LIPG: variants seen among roughly 807,000 people sequenced by gnomAD.
LIPG encodes endothelial lipase.
A neutral mutation model predicts 51.8 loss-of-function variants in LIPG; 34 were observed. The observed-to-expected ratio is 0.66, with a 90% confidence interval of 0.50 to 0.87. The LOEUF is 0.87. Among genes scored for constraint, LIPG ranks in the 40% least tolerant of loss-of-function variants. LIPG has a pLI of 0.00. For synonymous variants in LIPG, 246 were observed against 246.1 expected, an observed-to-expected ratio of 1.00 and a Z score of 0.00; for missense variants, 580 against 652.7, an observed-to-expected ratio of 0.89 and a Z score of 1.21.
In LIPG at chr18:49,563,277, C is replaced by G. The variant is rs114883453; in HGVS notation, c.97+872C>G. 1.4e-3 allele frequency among the ~76,000 whole-genome samples: 209 copies of G among 152,266 alleles called. 1 individual carries two copies. The highest frequency in any genetic ancestry group is 4.9e-3 in the African/African-American group (205 of 41,542). On this transcript the variant is annotated intron_variant, in intron 1 of 9. Coordinates refer to ENST00000261292, the MANE Select transcript of LIPG (RefSeq NM_006033.4). Reference sequence around the variant, plus strand: ...TACTGTGAATGAATGGAAAGCCTTGCTTTACTCAACATGTTTCCAACTCTG... The same window carrying G: ...TACTGTGAATGAATGGAAAGCCTTGGTTTACTCAACATGTTTCCAACTCTG...
At chr18:49,561,914 A>G (rs1227533372), upstream of LIPG, 2 of 1,332,528 alleles carry the variant, frequency 1.5e-6, no homozygotes, top group Admixed American at 7.0e-5. Context: ...GCTTTCATTC[A>G]AACTTTCTCC....
At chr18:49,572,471 C>A (rs2084674199) in intron 4 of LIPG, among the ~76,000 whole-genome samples, 1 of 152,158 alleles carries the variant, frequency 6.6e-6, no homozygotes, top group Non-Finnish European at 1.5e-5. Context: ...GGCCCAATAT[C>A]CTGGGCCCTA....
chr18:49,561,557 G>T (rs775709336), upstream of LIPG: 66 of 706,204 alleles, frequency 9.3e-5, no homozygotes, highest in Non-Finnish European at 1.2e-4. Context: ...TGCGGCCCTC[G>T]CTAGGCGGGA....
At chr18:49,568,923 C>A (rs1178860777) in intron 3 of LIPG, among the ~76,000 whole-genome samples, 2 of 152,034 alleles carry the variant, frequency 1.3e-5, no homozygotes, top group South Asian at 2.1e-4. Flanking sequence ...TACCTCCTTA[C>A]CCCCCAGATG....
chr18:49,572,730 TAAA>T (rs149836695), intron 4 of LIPG, among the ~76,000 whole-genome samples: 6,545 of 130,848 alleles, frequency 0.05, 513 homozygotes, highest in African/African-American at 0.17. Flanking sequence ...GACCCTGTCT[TAAA>T]AAAAAAAAAA....
chr18:49,570,181 T>A (rs1174531746), intron 4 of LIPG, among the ~76,000 whole-genome samples: 1 of 152,242 alleles, frequency 6.6e-6, no homozygotes, highest in East Asian at 1.9e-4. Flanking sequence ...TTCAACTTTG[T>A]AATAAAAGGA....
At chr18:49,579,817 T>TCTTTTCTTTA (rs1555778434) in intron 5 of LIPG, among the ~76,000 whole-genome samples, 193 of 135,134 alleles carry the variant, frequency 1.4e-3, no homozygotes, top group African/African-American at 4.9e-3. Flanking sequence ...TCTTTTCTTT[T>TCTTTTCTTTA]CTTTACTTTA....
At position 49,592,959 on chromosome 18, in the gene LIPG, G is replaced by A. The variant is rs2084960466; in HGVS notation, c.*2437G>A. The A allele has an allele frequency of 8.3e-6, 1 of 120,200 alleles. No homozygotes were observed. Among genetic ancestry groups the A allele is most frequent in the African/African-American group, 3.3e-5 (1 of 30,156 alleles). 7.4% of individuals were successfully genotyped at this position (120,200 alleles called of 1,614,324 possible). On this transcript the variant is annotated 3_prime_UTR_variant, in exon 10 of 10. Transcript: ENST00000261292. The stretch of plus-strand genomic sequence containing the variant: ...TTTTTTTTTTTTTTTTTGAGACAGA[G>A]CCTCTCTCTGTCACCCAGGCTGGAG...
In LIPG at chr18:49,565,550, GT is replaced by G. The variant is rs1462880095; in HGVS notation, c.279+56del. On this transcript the variant is annotated intron_variant, in intron 2 of 9. Transcript: ENST00000261292. ...CTTTATATAAGATTTGATTCCCTTT[GT>G]TTTGGTCAATTAGAAAGAATTCTGG... is the stretch of plus-strand genomic sequence containing the variant. The G allele has an allele frequency of 4.4e-6, 7 of 1,598,684 alleles. No individual in the cohort carries two copies. In the Admixed American group the frequency reaches 1.2e-4, roughly 27 times the overall value.
At chr18:49,565,641 T>C in intron 2 of LIPG, 143 bp downstream of exon 2, 1 of 954,730 alleles carries the variant, frequency 1.0e-6, no homozygotes, top group African/African-American at 1.6e-5. Context: ...CAGACAGCTG[T>C]GAAGAATGTA....
chr18:49,568,790 C>T (rs929674213), intron 3 of LIPG, among the ~76,000 whole-genome samples: 1 of 152,180 alleles, frequency 6.6e-6, no homozygotes, highest in African/African-American at 2.4e-5. Context: ...CAATTCCGGC[C>T]TGGCCTTCCT....
chr18:49,593,062 C>A lies in LIPG; in HGVS notation c.*2540C>A, dbSNP rs1222164183. On this transcript the variant is annotated 3_prime_UTR_variant, in exon 10 of 10. Transcript: ENST00000261292. ...CCTCCCACCTCAGCCTTCTGAGTAG[C>A]TGGGATTACAGAGATGCGTCACCAT... 1 of 151,464 alleles carries A rather than the reference C, an allele frequency of 6.6e-6. No homozygotes were observed. The highest frequency in any genetic ancestry group is 2.4e-5 in the African/African-American group (1 of 41,212). The allele number at this position is 151,464 out of a possible 1,614,324, so 9.4% of individuals were successfully genotyped here.
rs1344388766 is a variant in LIPG at position 49,597,218 on chromosome 18, G to A, written c.*6696G>A. 6.6e-6 allele frequency: 1 copy of A among 152,156 alleles called. No homozygotes were observed. The highest frequency in any genetic ancestry group is 2.4e-5 in the African/African-American group (1 of 41,428). 9.4% of individuals were successfully genotyped at this position (152,156 alleles called of 1,614,324 possible). On this transcript the variant is annotated 3_prime_UTR_variant, in exon 10 of 10. Coordinates refer to ENST00000261292, the MANE Select transcript of LIPG (RefSeq NM_006033.4). ...TTACACATAGGCTAGATCTGCTTGG[G>A]AATCTTTCTTCTAATCGAGGCCCCT...
In LIPG at chr18:49,586,732, C is replaced by A. The variant is rs756697943; in HGVS notation, c.1377-14C>A. 4 of 1,598,314 alleles carry A rather than the reference C, an allele frequency of 2.5e-6. No homozygotes were observed. Among genetic ancestry groups the A allele is most frequent in the Non-Finnish European group, 3.4e-6 (4 of 1,165,646 alleles). ...AAAGTTCTGCCTACATCAGTGGTTT[C>A]TTTTCCCTCCTAGACTGACATTTTG... On this transcript the variant is annotated splice_polypyrimidine_tract_variant and intron_variant, in intron 8 of 9. Transcript: ENST00000261292.
At chr18:49,561,617 G>A, upstream of LIPG, 1 of 1,174,166 alleles carries the variant, frequency 8.5e-7, no homozygotes, top group Non-Finnish European at 1.1e-6. Context: ...GCTCTCCCCC[G>A]ACGGACTCCC....
At chr18:49,565,645 G>C in intron 2 of LIPG, 147 bp downstream of exon 2, 1 of 913,408 alleles carries the variant, frequency 1.1e-6, no homozygotes, top group East Asian at 2.6e-5. Context: ...CAGCTGTGAA[G>C]AATGTAACGG....
intron 9 of LIPG, among the ~76,000 whole-genome samples, chr18:49,588,677 A>T (rs2084910136): frequency 6.6e-6 from 1 of 152,070 alleles, no homozygotes; most frequent in African/African-American, 2.4e-5. Flanking sequence ...GTCATGCTTC[A>T]CTATCCCCTT....
In LIPG at chr18:49,582,425, C is replaced by G; in HGVS notation, c.1100C>G (p.Thr367Ser). Residue 367 changes from threonine to serine, a missense_variant, in exon 7 of 10, where the codon ACC becomes AGC. Coordinates refer to ENST00000261292, the MANE Select transcript of LIPG (RefSeq NM_006033.4). ...SYKNMGEIEP[T>S]FYVTLYGTNA... ...AAGAACATGGGAGAAATTGAGCCCA[C>G]CTTTTACGTCACCCTTTATGGCACT... 6.2e-7 allele frequency: 1 copy of G among 1,614,180 alleles called. No individual in the cohort carries two copies. Among genetic ancestry groups the G allele is most frequent in the Non-Finnish European group, 8.5e-7 (1 of 1,180,004 alleles).
chr18:49,561,949 G>T, upstream of LIPG: 1 of 1,368,804 alleles, frequency 7.3e-7, no homozygotes, highest in South Asian at 2.1e-5. Context: ...CGTCAGCAAG[G>T]TGTGACCAAT....
Sources: allele counts gnomAD v4.1 joint callset (sites outside exome capture counted in the v4.1 genomes callset), GRCh38; gene constraint gnomAD v4.1.1; transcripts MANE v1.5; gene names NCBI Gene and HGNC (gene_info 2026-07-23, HGNC 2026-07-21).